The following CACNA1E variants were observed in gnomAD, a reference collection of about 807,000 sequenced individuals.
CACNA1E encodes the protein voltage-dependent R-type calcium channel subunit alpha-1E.
In CACNA1E, 40 loss-of-function variants were observed where a neutral mutation model predicts 259.2. The ratio of observed to expected loss-of-function variants is 0.15; its 90% CI spans 0.12 to 0.20. CACNA1E has a LOEUF of 0.20. Among genes scored for constraint, CACNA1E ranks in the 10% least tolerant of loss-of-function variants. The pLI, the probability that CACNA1E is intolerant of heterozygous loss-of-function variation, is 1.00. For synonymous variants in CACNA1E, 1,104 were observed against 1,138.5 expected, an observed-to-expected ratio of 0.97 and a Z score of 0.61; for missense variants, 1,874 against 3,040.1, an observed-to-expected ratio of 0.62 and a Z score of 9.02.
chr1:181,691,944 G>A (rs1456972124), intron 7 of CACNA1E, among the ~76,000 whole-genome samples: 2 of 151,918 alleles, frequency 1.3e-5, no homozygotes, highest in Admixed American at 1.3e-4. Flanking sequence ...AAGTTTCCTG[G>A]AACTGATGAA....
At chr1:181,407,609 C>T (rs919914102) in intron 1 of CACNA1E, among the ~76,000 whole-genome samples, 2 of 152,172 alleles carry the variant, frequency 1.3e-5, no homozygotes, top group Admixed American at 6.5e-5. Flanking sequence ...TTGAGAAGTG[C>T]GGTCTTAGGA....
chr1:181,697,831 T>A (rs943401878), intron 7 of CACNA1E, among the ~76,000 whole-genome samples: 1 of 152,262 alleles, frequency 6.6e-6, no homozygotes, highest in African/African-American at 2.4e-5. Context: ...GGTTCACACT[T>A]TGACCGATAC....
At chr1:181,694,927 AT>A (rs1156378892) in intron 7 of CACNA1E, among the ~76,000 whole-genome samples, 2 of 152,234 alleles carry the variant, frequency 1.3e-5, no homozygotes, top group African/African-American at 4.8e-5. Context: ...AAAGGAAAAA[AT>A]AAAAACCAAT....
intron 1 of CACNA1E, among the ~76,000 whole-genome samples, chr1:181,400,611 T>TC (rs1657027522): frequency 6.6e-6 from 1 of 152,076 alleles, no homozygotes; most frequent in South Asian, 2.1e-4. Context: ...ATTGGCAAGG[T>TC]CCCCGTGCCC....
intron 2 of CACNA1E, among the ~76,000 whole-genome samples, chr1:181,454,419 G>T (rs1661334194): frequency 6.6e-6 from 1 of 152,184 alleles, no homozygotes; most frequent in Admixed American, 6.5e-5. Context: ...TCTACAATAG[G>T]TGTATTTAGT....
chr1:181,687,054 G>A (rs1239006244), intron 7 of CACNA1E, among the ~76,000 whole-genome samples: 1 of 152,116 alleles, frequency 6.6e-6, no homozygotes. Context: ...GAGACTGGTG[G>A]GGTGGGGGTG....
chr1:181,576,583 C>G (rs1027348831), intron 3 of CACNA1E, among the ~76,000 whole-genome samples: 1 of 152,160 alleles, frequency 6.6e-6, no homozygotes, highest in African/African-American at 2.4e-5. Context: ...CAGAGAGGTT[C>G]CATCAGAAAT....
chr1:181,481,076 A>T (rs748333199), upstream of CACNA1E, among the ~76,000 whole-genome samples: 3 of 152,102 alleles, frequency 2.0e-5, no homozygotes, highest in Non-Finnish European at 2.9e-5. Flanking sequence ...ATGGGACTTC[A>T]TGGTTCACAG....
chr1:181,633,792 T>G (rs558794981), intron 6 of CACNA1E, among the ~76,000 whole-genome samples: 2 of 152,328 alleles, frequency 1.3e-5, no homozygotes, highest in East Asian at 3.9e-4. Context: ...GTGCCTGGCC[T>G]CAAACTGTAC....
Position 181,711,061 on chromosome 1 carries a change from A to G in CACNA1E, c.1163A>G (p.Asp388Gly). 6.2e-7 allele frequency: 1 copy of G among 1,612,332 alleles called. No individual in the cohort carries two copies. The highest frequency in any genetic ancestry group is 2.2e-5 in the East Asian group (1 of 44,868). ...RELNGYRAWI[D>G]KAEEVMLAEE... Reference sequence around the variant, plus strand: ...CTGAATGGCTACCGTGCCTGGATAGACAAAGCAGGTAGGCCTGGGGGGCTG... The same window carrying G: ...CTGAATGGCTACCGTGCCTGGATAGGCAAAGCAGGTAGGCCTGGGGGGCTG... Residue 388 changes from aspartate (D) to glycine (G), a missense_variant, in exon 8 of 48, where the codon GAC (aspartate) becomes GGC (glycine). Coordinates refer to ENST00000367573, the MANE Select transcript of CACNA1E (RefSeq NM_001205293.3).
chr1:181,425,329 A>G (rs946555925), intron 2 of CACNA1E, among the ~76,000 whole-genome samples: 7 of 151,976 alleles, frequency 4.6e-5, no homozygotes, highest in Admixed American at 2.6e-4. Flanking sequence ...ACCACTGGCA[A>G]CCCCTTGCCA....
At chr1:181,695,861 A>C (rs992924224) in intron 7 of CACNA1E, among the ~76,000 whole-genome samples, 1 of 152,214 alleles carries the variant, frequency 6.6e-6, no homozygotes, top group Non-Finnish European at 1.5e-5. Flanking sequence ...AGGCTGAGAC[A>C]TGACAATTGC....
intron 37 of CACNA1E, among the ~76,000 whole-genome samples, chr1:181,774,555 G>T (rs1429019351): frequency 1.3e-5 from 2 of 152,240 alleles, no homozygotes; most frequent in African/African-American, 4.8e-5. Context: ...ACCTACTCCT[G>T]CTTTCTGCTC....
intron 8 of CACNA1E, 68 bp from the exon 9 acceptor site, chr1:181,715,270 G>C (rs1653780147): frequency 1.1e-6 from 1 of 949,468 alleles, no homozygotes; most frequent in Non-Finnish European, 1.7e-6. Flanking sequence ...TTGTCCCTGA[G>C]GGATTTTAAT....
chr1:181,443,536 C>A (rs1660627131), intron 2 of CACNA1E, among the ~76,000 whole-genome samples: 1 of 152,168 alleles, frequency 6.6e-6, no homozygotes, highest in African/African-American at 2.4e-5. Context: ...AGGAAAACTA[C>A]AAAGGGTGGT....
At chr1:181,401,300 C>G (rs541249198) in intron 1 of CACNA1E, among the ~76,000 whole-genome samples, 101 of 152,292 alleles carry the variant, frequency 6.6e-4, no homozygotes, top group Non-Finnish European at 1.1e-3. Context: ...ATGCACAGTT[C>G]TTAGCTTAAA....
chr1:181,495,734 C>T (rs979283392), intron 1 of CACNA1E, among the ~76,000 whole-genome samples: 7 of 152,164 alleles, frequency 4.6e-5, no homozygotes, highest in Admixed American at 3.3e-4. Context: ...CCTGCTTTGC[C>T]TGCCTTATAA....
chr1:181,733,420 T>C lies in CACNA1E; in HGVS notation c.2949-17T>C, dbSNP rs766254476. On this transcript the variant is annotated splice_polypyrimidine_tract_variant and intron_variant, in intron 20 of 47. Coordinates refer to ENST00000367573, the MANE Select transcript of CACNA1E (RefSeq NM_001205293.3). ...ACAGCGTCTGAGCACCAGCTCTCTC[T>C]TCCTCTCTCTTCACAGGACCAACAG... The C allele has an allele frequency of 7.3e-6, 11 of 1,497,214 alleles. No individual in the cohort carries two copies. The Admixed American group carries it at 2.1e-4, about 29-fold the overall frequency. 92.7% of individuals were successfully genotyped at this position (1,497,214 alleles called of 1,614,324 possible).
intron 13 of CACNA1E, 146 bp downstream of exon 13, chr1:181,720,009 C>T: frequency 1.3e-6 from 1 of 790,304 alleles, no homozygotes; most frequent in East Asian, 2.7e-5. Context: ...TTAGCTCTTC[C>T]TTTTTCTCCA....
Sources: allele counts gnomAD v4.1 joint callset (sites outside exome capture counted in the v4.1 genomes callset), GRCh38; gene constraint gnomAD v4.1.1; transcripts MANE v1.5; gene names NCBI Gene and HGNC (gene_info 2026-07-23, HGNC 2026-07-21).